The following THOC1 variants were observed in gnomAD, a reference collection of about 807,000 sequenced individuals.
THOC1 encodes the protein THO complex 1.
Under a neutral mutation model 97.3 loss-of-function variants are expected in THOC1, and 29 were observed. The ratio of observed to expected loss-of-function variants is 0.30; its 90% CI spans 0.22 to 0.41. The LOEUF is 0.41. Among genes scored for constraint, THOC1 ranks in the 10% least tolerant of loss-of-function variants. THOC1 has a pLI of 1.00. For synonymous variants in THOC1, 255 were observed against 257.0 expected (o/e 0.99, Z 0.07); for missense variants, 529 against 761.9 (o/e 0.69, Z 3.60).
intron 4 of THOC1, 140 bp downstream of exon 4, chr18:263,886 C>A: frequency 1.6e-6 from 1 of 638,502 alleles, no homozygotes; most frequent in Non-Finnish European, 2.7e-6. Context: ...ACTGGGACTT[C>A]TTGGCAAAGT....
At chr18:240,433 T>C (rs1210048867) in intron 11 of THOC1, among the ~76,000 whole-genome samples, 1 of 152,226 alleles carries the variant, frequency 6.6e-6, no homozygotes, top group Non-Finnish European at 1.5e-5. Context: ...TGCTCAATGA[T>C]ATTTAAAGAA....
rs768060312 is a variant in THOC1, at chr18:267,956, T to C, written c.54+10A>G. On this transcript the variant is annotated intron_variant, in intron 1 of 20. Coordinates refer to ENST00000261600, the MANE Select transcript of THOC1 (RefSeq NM_005131.3). ...CGGGTCAGGCCTGCACCCTCCCCTC[T>C]ACAGCTCACCGTAAACCGCGTCCGC... 60 of 1,611,356 alleles carry C rather than the reference T, an allele frequency of 3.7e-5. No individual in the cohort carries two copies. Among genetic ancestry groups the C allele is most frequent in the Non-Finnish European group, 5.0e-5 (59 of 1,178,942 alleles).
chr18:255,589 A>G (rs1474769168), intron 7 of THOC1, among the ~76,000 whole-genome samples: 1 of 152,254 alleles, frequency 6.6e-6, no homozygotes, highest in Non-Finnish European at 1.5e-5. Context: ...TCTCCGTAAC[A>G]TAATAGTGCA....
chr18:245,367 T>C (rs1326682667), intron 11 of THOC1: 1 of 152,148 alleles, frequency 6.6e-6, no homozygotes, highest in Non-Finnish European at 1.5e-5. Context: ...CCAGGGCCCC[T>C]GAGTCCAAAA....
Position 259,704 on chromosome 18 carries a change from AT to A in THOC1, c.401del (p.Asn134IlefsTer11). 6.4e-7 allele frequency: 1 copy of A among 1,552,464 alleles called. No homozygotes were observed. On this transcript the variant is annotated frameshift_variant, in exon 6 of 21. Coordinates refer to ENST00000261600, the MANE Select transcript of THOC1 (RefSeq NM_005131.3). LOFTEE classifies it high-confidence loss of function. ...TACCATTGCACATACGTAGTAAGTA[AT>A]TTTTCCCAGCAGAATAGAATGTATT... ...KSNTFYSAGK[N>X]YLLRMCNDLL...
chr18:223,792 C>T (rs1911174462), intron 16 of THOC1, among the ~76,000 whole-genome samples: 1 of 152,084 alleles, frequency 6.6e-6, no homozygotes, highest in African/African-American at 2.4e-5. Context: ...GGTAAGAGAA[C>T]TCAAGGATTA....
At chr18:233,640 C>A (rs1911572378) in intron 11 of THOC1, among the ~76,000 whole-genome samples, 1 of 152,134 alleles carries the variant, frequency 6.6e-6, no homozygotes, top group African/African-American at 2.4e-5. Context: ...ATAATGCAAT[C>A]TTCTTTTGTA....
At chr18:235,203 T>A (rs919242050) in intron 11 of THOC1, among the ~76,000 whole-genome samples, 2 of 151,956 alleles carry the variant, frequency 1.3e-5, no homozygotes, top group Non-Finnish European at 2.9e-5. Flanking sequence ...TCATTTGAAA[T>A]ATCTCTATGT....
At chr18:255,754 G>C (rs1912417600) in intron 7 of THOC1, among the ~76,000 whole-genome samples, 1 of 152,218 alleles carries the variant, frequency 6.6e-6, no homozygotes, top group African/African-American at 2.4e-5. Context: ...CATAGCTAGA[G>C]AGAAGTCACT....
intron 9 of THOC1, among the ~76,000 whole-genome samples, chr18:249,388 T>C (rs558613570): frequency 1.6e-4 from 24 of 152,220 alleles, no homozygotes; most frequent in Non-Finnish European, 3.2e-4. Context: ...AGCCACAGGC[T>C]GGGCACGGTG....
At chr18:249,915 T>C (rs1299432054) in intron 9 of THOC1, among the ~76,000 whole-genome samples, 3 of 152,132 alleles carry the variant, frequency 2.0e-5, no homozygotes, top group South Asian at 2.1e-4. Flanking sequence ...CCAGGAAAGT[T>C]TGTCTCTTAA....
intron 10 of THOC1, among the ~76,000 whole-genome samples, chr18:247,035 C>T (rs1420047836): frequency 1.3e-4 from 20 of 152,074 alleles, no homozygotes; most frequent in Non-Finnish European, 2.9e-4. Context: ...GTTTAACCAC[C>T]TGTGGAAACT....
At chr18:217,846 A>G (rs1598285815) in intron 18 of THOC1, among the ~76,000 whole-genome samples, 1 of 152,288 alleles carries the variant, frequency 6.6e-6, no homozygotes, top group South Asian at 2.1e-4. Context: ...CTGACAGGAA[A>G]GGGAAAGACA....
intron 9 of THOC1, among the ~76,000 whole-genome samples, chr18:248,570 A>G (rs561293285): frequency 6.6e-6 from 1 of 152,312 alleles, no homozygotes; most frequent in Non-Finnish European, 1.5e-5. Context: ...AGTCACAGGT[A>G]TCATATCCTA....
intron 1 of THOC1, among the ~76,000 whole-genome samples, chr18:266,319 C>T (rs1912766236): frequency 6.6e-6 from 1 of 152,142 alleles, no homozygotes; most frequent in Admixed American, 6.5e-5. Context: ...GTTCCTTTAT[C>T]TCTTTGTGCT....
intron 17 of THOC1, 27 bp from the exon 18 acceptor site, chr18:218,996 G>C (rs1425349285): frequency 7.9e-6 from 11 of 1,384,356 alleles, no homozygotes; most frequent in Non-Finnish European, 8.9e-6. Context: ...TAACCAGTGA[G>C]GATGGCATAT....
intron 12 of THOC1, 174 bp from the exon 13 acceptor site, chr18:225,577 TCCTC>T: frequency 1.7e-6 from 1 of 595,896 alleles, no homozygotes; most frequent in Non-Finnish European, 2.9e-6. Flanking sequence ...TTGCACTTCT[TCCTC>T]AAGAGGGTTG....
chr18:235,513 C>T lies in THOC1; in HGVS notation c.919-8612G>A, dbSNP rs565951355. Reference sequence around the variant, plus strand: ...CATCTCCCTTTATTTGCAACCCACACTTCTGACATGTAATTCTTCCTATAA... The same window carrying T: ...CATCTCCCTTTATTTGCAACCCACATTTCTGACATGTAATTCTTCCTATAA... On this transcript the variant is annotated intron_variant, in intron 11 of 20. Coordinates refer to ENST00000261600, the MANE Select transcript of THOC1 (RefSeq NM_005131.3). Among the ~76,000 whole-genome samples the T allele has an allele frequency of 2.6e-5, 4 of 152,254 alleles. No homozygotes were observed. In the South Asian group the frequency reaches 8.3e-4, roughly 32 times the overall value.
At chr18:225,311 A>G (rs1460225791) in intron 13 of THOC1, 26 bp downstream of exon 13, 1 of 1,609,868 alleles carries the variant, frequency 6.2e-7, no homozygotes, top group Non-Finnish European at 8.5e-7. Flanking sequence ...TTTTTCAATC[A>G]TGGGTTTGTT....
Sources: gnomAD v4.1 joint callset for allele counts (sites outside exome capture counted in the v4.1 genomes callset) on GRCh38, gnomAD v4.1.1 for gene constraint, MANE v1.5 for transcripts, NCBI Gene and HGNC (gene_info 2026-07-23, HGNC 2026-07-21) for gene names.